VPS8: variants seen among roughly 807,000 people sequenced by gnomAD.
VPS8 encodes the protein VPS8 subunit of CORVET complex, also known as vacuolar protein sorting-associated protein 8 homolog.
VPS8 carries 129 observed loss-of-function variants against 216.4 expected under a neutral mutation model. The observed-to-expected ratio is 0.60, with a 90% CI of 0.52 to 0.69. The LOEUF (loss-of-function observed/expected upper bound fraction) is 0.69. Ranked by LOEUF, VPS8 falls within the 30% of genes least tolerant of loss-of-function variation. The pLI, the probability that VPS8 is intolerant of heterozygous loss-of-function variation, is 0.00. For synonymous variants in VPS8, 571 were observed against 565.4 expected, an observed-to-expected ratio of 1.01 and a Z score of -0.14; for missense variants, 1,531 against 1,683.5, an observed-to-expected ratio of 0.91 and a Z score of 1.59.
At chr3:184,955,846 G>A (rs1443553457) in intron 36 of VPS8, among the ~76,000 whole-genome samples, 1 of 152,008 alleles carries the variant, frequency 6.6e-6, no homozygotes, top group African/African-American at 2.4e-5. Context: ...TTTACAATGT[G>A]GTTGGGGACA....
chr3:184,983,028 C>T lies in VPS8; in HGVS notation c.3519C>T (p.Thr1173=), dbSNP rs1188659198. 11 of 1,606,948 alleles carry T rather than the reference C, an allele frequency of 6.8e-6. No individual in the cohort carries two copies. The highest frequency in any genetic ancestry group is 9.4e-6 in the Non-Finnish European group (11 of 1,176,364). Residue 1173 remains threonine, a synonymous_variant, in exon 42 of 48, where the codon ACC becomes ACT. Coordinates refer to ENST00000625842, the MANE Select transcript of VPS8 (RefSeq NM_001009921.3). ...HLHSEALKSL[T]MQVLNSMAAF... ...TTATAACAGCTCTGAAGTCTTTGAC[C>T]ATGCAAGTTTTAAATAGCATGGCAG...
chr3:184,978,996 G>A (rs1418512887), intron 40 of VPS8, among the ~76,000 whole-genome samples: 1 of 152,108 alleles, frequency 6.6e-6, no homozygotes, highest in East Asian at 1.9e-4. Flanking sequence ...CTGGTATGCT[G>A]TATCTTTGTT....
At chr3:184,930,380 A>G in intron 33 of VPS8, 90 bp from the exon 34 acceptor site, 3 of 774,668 alleles carry the variant, frequency 3.9e-6, no homozygotes, top group Non-Finnish European at 6.2e-6. Flanking sequence ...TCATCTTCAG[A>G]TAATAGATGT....
At chr3:184,899,136 T>C (rs1279600331) in intron 24 of VPS8, among the ~76,000 whole-genome samples, 1 of 152,212 alleles carries the variant, frequency 6.6e-6, no homozygotes, top group African/African-American at 2.4e-5. Flanking sequence ...CAGAATTTTA[T>C]AGCATTCATT....
intron 46 of VPS8, among the ~76,000 whole-genome samples, chr3:185,034,344 G>A (rs1330890735): frequency 6.6e-6 from 1 of 151,596 alleles, no homozygotes; most frequent in Non-Finnish European, 1.5e-5. Context: ...CTGATGATGT[G>A]AGATGGTATT....
intron 16 of VPS8, among the ~76,000 whole-genome samples, chr3:184,865,533 T>C (rs1437195818): frequency 6.6e-6 from 1 of 151,822 alleles, no homozygotes; most frequent in Non-Finnish European, 1.5e-5. Flanking sequence ...CAAATCAAAA[T>C]CATAATGAGA....
Position 184,894,508 on chromosome 3 carries a change from GTA to G in VPS8, c.1782-172_1782-171del, listed in dbSNP as rs756172890. On this transcript the variant is annotated intron_variant, in intron 22 of 47. Transcript: ENST00000625842. ...TTTATATATATGTATATATACACAC[GTA>G]TATATATATATATATATATATACAC... Among the ~76,000 whole-genome samples, 447 of 133,036 alleles carry G rather than the reference GTA, an allele frequency of 3.4e-3. 1 individual carries two copies. Among genetic ancestry groups the G allele is most frequent in the Middle Eastern group, 0.012 (3 of 244 alleles). The allele number at this position is 133,036 out of a possible 152,430, so 87.3% of individuals were successfully genotyped here. A position where few individuals can be genotyped will look rare whatever the true frequency, so the allele number is the denominator to read the frequency against.
intron 40 of VPS8, among the ~76,000 whole-genome samples, chr3:184,979,368 C>T (rs79418673): frequency 0.037 from 5,598 of 152,152 alleles, 353 homozygotes; most frequent in African/African-American, 0.13. Context: ...AGTTTTCTGC[C>T]TCGATAATCT....
rs1365298893 is a variant in VPS8, at chr3:184,930,598, C to T, written c.2898+30C>T. The T allele has an allele frequency of 3.3e-6, 5 of 1,507,964 alleles. No homozygotes were observed. The African/African-American group carries it at 6.9e-5, about 21-fold the overall frequency. The allele number at this position is 1,507,964 out of a possible 1,614,324, so 93.4% of individuals were successfully genotyped here. On this transcript the variant is annotated intron_variant, in intron 34 of 47. Transcript: ENST00000625842. The stretch of plus-strand genomic sequence containing the variant: ...TGATGCGCAAAACTTCACACTTCAC[C>T]ATCTGAACGATCATCTAACCCAAGT...
intron 30 of VPS8, among the ~76,000 whole-genome samples, 151 bp downstream of exon 30, chr3:184,925,132 A>G (rs1038642511): frequency 2.6e-5 from 4 of 152,114 alleles, no homozygotes; most frequent in African/African-American, 9.7e-5. Context: ...TTAGGGGGGT[A>G]TGTGTATATG....
chr3:184,928,008 G>A (rs182409619), intron 31 of VPS8, among the ~76,000 whole-genome samples: 1 of 152,234 alleles, frequency 6.6e-6, no homozygotes, highest in East Asian at 1.9e-4. Flanking sequence ...TGGCTATTTT[G>A]AATAGTGCTG....
intron 45 of VPS8, among the ~76,000 whole-genome samples, chr3:185,020,012 A>G (rs1482660355): frequency 1.3e-5 from 2 of 152,204 alleles, no homozygotes; most frequent in East Asian, 3.8e-4. Context: ...CATCTTACTT[A>G]CCTGAAGAAA....
At chr3:184,920,497 A>G (rs1477382627) in intron 29 of VPS8, among the ~76,000 whole-genome samples, 1 of 152,234 alleles carries the variant, frequency 6.6e-6, no homozygotes, top group African/African-American at 2.4e-5. Flanking sequence ...GACTAACTTC[A>G]GAGTGCTTTG....
At chr3:185,007,005 A>T (rs959371243) in intron 45 of VPS8, among the ~76,000 whole-genome samples, 2 of 152,180 alleles carry the variant, frequency 1.3e-5, no homozygotes, top group African/African-American at 2.4e-5. Context: ...TGCTTTTTTC[A>T]TAACTGGTCA....
intron 25 of VPS8, among the ~76,000 whole-genome samples, chr3:184,909,119 C>T (rs1310756306): frequency 6.6e-6 from 1 of 152,210 alleles, no homozygotes. Flanking sequence ...CTGTCGCTAT[C>T]AAACCCACTG....
chr3:184,841,581 A>ATTAGG (rs1722145459), intron 7 of VPS8, among the ~76,000 whole-genome samples: 1 of 152,136 alleles, frequency 6.6e-6, no homozygotes. Context: ...CTAAAGGTGG[A>ATTAGG]ATTGCTTGGA....
intron 46 of VPS8, among the ~76,000 whole-genome samples, chr3:185,032,729 A>T (rs192687183): frequency 9.9e-5 from 15 of 151,976 alleles, no homozygotes; most frequent in African/African-American, 3.6e-4. Flanking sequence ...GCAGTGGCGC[A>T]ATCTCGGCTT....
intron 40 of VPS8, among the ~76,000 whole-genome samples, chr3:184,978,015 G>GT (rs1427311162): frequency 2.9e-4 from 44 of 151,140 alleles, no homozygotes; most frequent in Admixed American, 2.6e-3. Context: ...TTGGTGCCAG[G>GT]TTTTTTTTAT....
At chr3:184,961,629 A>G (rs1379578194) in intron 37 of VPS8, among the ~76,000 whole-genome samples, 1 of 151,184 alleles carries the variant, frequency 6.6e-6, no homozygotes, top group Non-Finnish European at 1.5e-5. Flanking sequence ...AATTTTTTCT[A>G]TATGTGTATG....
Sources: gnomAD v4.1 joint callset for allele counts (sites outside exome capture counted in the v4.1 genomes callset) on GRCh38, gnomAD v4.1.1 for gene constraint, MANE v1.5 for transcripts, NCBI Gene and HGNC (gene_info 2026-07-23, HGNC 2026-07-21) for gene names.